Variants in CDH18 observed in about 807,000 individuals in gnomAD.
CDH18 encodes the protein cadherin-18.
A neutral mutation model predicts 67.9 loss-of-function variants in CDH18; 31 were observed. That is an observed-to-expected ratio of 0.46 (90% CI 0.34 to 0.62). The LOEUF is 0.62. Ranked by LOEUF, CDH18 falls within the 20% of genes least tolerant of loss-of-function variation. The probability of loss-of-function intolerance (pLI) is 0.01; values close to 1 mark genes in which losing one functional copy is unlikely to be tolerated. For missense variants in CDH18, 890 were observed against 975.5 expected (o/e 0.91, Z 1.17); for synonymous variants, 362 against 347.2 (o/e 1.04, Z -0.48).
At chr5:20,574,346 G>A (rs1030478) in intron 1 of CDH18, among the ~76,000 whole-genome samples, 90,066 of 151,692 alleles carry the variant, frequency 0.59, 27,137 homozygotes, top group Middle Eastern at 0.63. Flanking sequence ...TTTTTGAAAC[G>A]TTGAACAACA....
chr5:20,341,086 C>T (rs544995908), intron 1 of CDH18, among the ~76,000 whole-genome samples: 1 of 152,240 alleles, frequency 6.6e-6, no homozygotes, highest in South Asian at 2.1e-4. Context: ...CTTACAGCTC[C>T]CACATCCTTC....
At chr5:19,481,704 C>T (rs1256951929) in intron 12 of CDH18, among the ~76,000 whole-genome samples, 1 of 152,224 alleles carries the variant, frequency 6.6e-6, no homozygotes, top group Admixed American at 6.5e-5. Context: ...GCTCATTACA[C>T]TTTAATATCC....
chr5:20,190,134 A>G (rs1738423115), intron 2 of CDH18, among the ~76,000 whole-genome samples: 1 of 152,174 alleles, frequency 6.6e-6, no homozygotes, highest in Non-Finnish European at 1.5e-5. Context: ...CAGAGGCACC[A>G]GCAACAAGGC....
chr5:19,625,315 A>C (rs1751365445), intron 5 of CDH18, among the ~76,000 whole-genome samples: 1 of 151,792 alleles, frequency 6.6e-6, no homozygotes, highest in African/African-American at 2.4e-5. Context: ...TTTTTGACAA[A>C]TTATTTGTTT....
Position 19,473,208 on chromosome 5 carries a change from G to T in CDH18, c.*18C>A. ...TTACTCAGGAAGCAAATTCCACAAG[G>T]TTGCAAGAACTGACCCCCTAAGTTG... On this transcript the variant is annotated 3_prime_UTR_variant, in exon 13 of 13. Transcript: ENST00000382275. The T allele has an allele frequency of 6.2e-7, 1 of 1,606,646 alleles. No individual in the cohort carries two copies. The highest frequency in any genetic ancestry group is 8.5e-7 in the Non-Finnish European group (1 of 1,175,222).
intron 2 of CDH18, among the ~76,000 whole-genome samples, chr5:19,940,392 T>A (rs951630595): frequency 1.3e-5 from 2 of 151,998 alleles, no homozygotes; most frequent in African/African-American, 4.8e-5. Context: ...TTCTCTTAAC[T>A]GATCTTCAAT....
intron 2 of CDH18, among the ~76,000 whole-genome samples, chr5:19,894,165 C>T (rs1175185368): frequency 2.0e-5 from 3 of 151,866 alleles, no homozygotes; most frequent in Non-Finnish European, 2.9e-5. Context: ...TAGAAAAAAT[C>T]CACTGATATT....
chr5:19,998,133 C>T (rs1406786647), intron 2 of CDH18, among the ~76,000 whole-genome samples: 1 of 152,140 alleles, frequency 6.6e-6, no homozygotes, highest in Non-Finnish European at 1.5e-5. Flanking sequence ...GATTTCACAA[C>T]TAGGTCTCTG....
intron 2 of CDH18, among the ~76,000 whole-genome samples, chr5:19,940,700 C>T (rs1009960144): frequency 6.6e-6 from 1 of 151,864 alleles, no homozygotes; most frequent in African/African-American, 2.4e-5. Context: ...CTGTCAATGT[C>T]ATCTCCTCAG....
intron 1 of CDH18, among the ~76,000 whole-genome samples, chr5:20,353,593 C>T (rs976493183): frequency 6.6e-6 from 1 of 152,170 alleles, no homozygotes; most frequent in Admixed American, 6.6e-5. Context: ...TTCTGACTCA[C>T]CTGGAGTTCA....
intron 5 of CDH18, among the ~76,000 whole-genome samples, chr5:19,619,353 C>T (rs575217262): frequency 7.3e-4 from 111 of 152,194 alleles, no homozygotes; most frequent in Admixed American, 1.2e-3. Flanking sequence ...ATACAGAAAA[C>T]ATTTTAATAA....
At chr5:19,491,775 A>T (rs1561186885) in intron 11 of CDH18, among the ~76,000 whole-genome samples, 1 of 151,826 alleles carries the variant, frequency 6.6e-6, no homozygotes, top group Non-Finnish European at 1.5e-5. Flanking sequence ...AAATGTTATG[A>T]TCATTTTTAG....
chr5:20,323,109 A>G (rs962801534), intron 1 of CDH18, among the ~76,000 whole-genome samples: 1 of 152,188 alleles, frequency 6.6e-6, no homozygotes, highest in East Asian at 1.9e-4. Context: ...GGTGAATGAA[A>G]AGAATCAAGC....
chr5:20,327,289 C>T (rs1335964105), intron 1 of CDH18, among the ~76,000 whole-genome samples: 2 of 152,156 alleles, frequency 1.3e-5, no homozygotes, highest in Non-Finnish European at 2.9e-5. Context: ...AGCCTCATTT[C>T]CTCTACTCTC....
intron 2 of CDH18, among the ~76,000 whole-genome samples, chr5:20,175,643 A>C (rs1429524874): frequency 6.6e-6 from 1 of 152,144 alleles, no homozygotes; most frequent in Non-Finnish European, 1.5e-5. Context: ...GACAGAACTA[A>C]TATGATATAT....
chr5:20,335,990 TA>T (rs1260611878), intron 1 of CDH18, among the ~76,000 whole-genome samples: 2 of 152,014 alleles, frequency 1.3e-5, no homozygotes. Context: ...TTTTTGTAAT[TA>T]AAATAATGGT....
At chr5:20,351,648 G>T (rs1295396621) in intron 1 of CDH18, among the ~76,000 whole-genome samples, 1 of 151,744 alleles carries the variant, frequency 6.6e-6, no homozygotes, top group African/African-American at 2.4e-5. Context: ...TGAAGCGTAA[G>T]ATTTAGTAGT....
intron 5 of CDH18, among the ~76,000 whole-genome samples, chr5:19,650,224 C>T (rs1755375284): frequency 6.6e-6 from 1 of 151,924 alleles, no homozygotes; most frequent in South Asian, 2.1e-4. Flanking sequence ...ATTAAGGTTG[C>T]TTTCTATGTA....
chr5:20,074,294 T>G, intron 2 of CDH18, among the ~76,000 whole-genome samples: 1 of 152,294 alleles, frequency 6.6e-6, no homozygotes, highest in Non-Finnish European at 1.5e-5. Context: ...GCCTTGTCTC[T>G]TGCATTTAAT....
Sources: allele counts gnomAD v4.1 joint callset (sites outside exome capture counted in the v4.1 genomes callset), GRCh38; gene constraint gnomAD v4.1.1; transcripts MANE v1.5; gene names NCBI Gene and HGNC (gene_info 2026-07-23, HGNC 2026-07-21).